The following PHACTR2 variants were observed in gnomAD, a reference collection of about 807,000 sequenced individuals.
PHACTR2 encodes phosphatase and actin regulator 2, also known as chromosome 6 open reading frame 56.
PHACTR2 carries 30 observed loss-of-function variants against 76.0 expected under a neutral mutation model. The ratio of observed to expected loss-of-function variants is 0.39; its 90% CI spans 0.30 to 0.54. The LOEUF (loss-of-function observed/expected upper bound fraction) is 0.54, where lower values mean the gene tolerates loss of function less well. Among genes scored for constraint, PHACTR2 ranks in the 20% least tolerant of loss-of-function variants. The pLI is 0.61. For missense variants in PHACTR2, 696 were observed against 781.1 expected (o/e 0.89, Z 1.30); for synonymous variants, 292 against 292.5 (o/e 1.00, Z 0.02).
At chr6:143,726,595 A>G (rs1215772258) in intron 2 of PHACTR2, among the ~76,000 whole-genome samples, 1 of 152,222 alleles carries the variant, frequency 6.6e-6, no homozygotes, top group East Asian at 1.9e-4. Context: ...ATGTGACAAG[A>G]TTTCCTTTTT....
In PHACTR2 at chr6:143,591,053, A is replaced by C. The variant is rs1775685027; in HGVS notation, c.217+53846A>C. ...GTATAAAAATACAGCATTTCTTATG[A>C]TAATTTTATGTAAGTATTTGAGACA... On this transcript the variant is annotated intron_variant, in intron 1 of 11. Transcript: ENST00000367584. This position sits in a 1 kb window ranked among gnomAD's most constrained non-coding sequence, Gnocchi z 6.4. 6.6e-6 allele frequency among the ~76,000 whole-genome samples: 1 copy of C among 152,254 alleles called. No individual in the cohort carries two copies. Among genetic ancestry groups the C allele is most frequent in the Non-Finnish European group, 1.5e-5 (1 of 68,040 alleles).
chr6:143,617,094 G>A lies in PHACTR2; in HGVS notation c.13+8772G>A, dbSNP rs1289135729. On this transcript the variant is annotated intron_variant, in intron 1 of 11. Coordinates refer to the PHACTR2 transcript ENST00000305766. This position sits in a 1 kb window ranked among gnomAD's most constrained non-coding sequence, Gnocchi z 4.8. ...GGACTGGAAAGAAGTAAGAGTGGAA[G>A]CTCCTAAGAATGAAATCCACTTAGA... is the stretch of plus-strand genomic sequence containing the variant. Among the ~76,000 whole-genome samples, 1 of 152,206 alleles carries A rather than the reference G, an allele frequency of 6.6e-6. No homozygotes were observed. Among genetic ancestry groups the A allele is most frequent in the African/African-American group, 2.4e-5 (1 of 41,456 alleles).
In PHACTR2 at chr6:143,750,984, C is replaced by T. The variant is rs1779171457; in HGVS notation, c.295+1919C>T. On this transcript the variant is annotated intron_variant, in intron 3 of 12. Transcript: ENST00000440869. The surrounding 1 kb of genome is among the most constrained non-coding windows in gnomAD (Gnocchi z 4.6). ...TGTCAGTAGTAAATGGAGTCCTTCC[C>T]CTTTTCAGCTGAGGGCTGGAGAAAA... Among the ~76,000 whole-genome samples, 2 of 152,142 alleles carry T rather than the reference C, an allele frequency of 1.3e-5. No homozygotes were observed. The highest frequency in any genetic ancestry group is 1.3e-4 in the Admixed American group (2 of 15,274).
Position 143,805,342 on chromosome 6 carries a change from G to T in PHACTR2, c.1846-1715G>T, listed in dbSNP as rs545978957. 1.8e-4 allele frequency among the ~76,000 whole-genome samples: 28 copies of T among 152,156 alleles called. No homozygotes were observed. The South Asian group carries it at 1.9e-3, about 10-fold the overall frequency. On this transcript the variant is annotated intron_variant, in intron 11 of 12. Transcript: ENST00000440869. ...AAAATACAAAAAATTAGCCAGGCAC[G>T]GTGGTGCATGCATGTAATCCCAGCT...
At chr6:143,746,728 T>TG (rs1468393853) in intron 2 of PHACTR2, among the ~76,000 whole-genome samples, 4 of 152,174 alleles carry the variant, frequency 2.6e-5, no homozygotes, top group Non-Finnish European at 5.9e-5. Context: ...GGGTGTTCTT[T>TG]GGCTTCCTGC....
rs1776699589 is a variant in PHACTR2, at chr6:143,648,625, G to A, written c.13+40303G>A. Among the ~76,000 whole-genome samples the A allele has an allele frequency of 6.6e-6, 1 of 152,134 alleles. No homozygotes were observed. Among genetic ancestry groups the A allele is most frequent in the African/African-American group, 2.4e-5 (1 of 41,436 alleles). Reference sequence around the variant, plus strand: ...GTAGGAAGGAATGAAGAGCCCGGGAGGTTTAAAGTGCTCTGAAGCACTGAT... The same window carrying A: ...GTAGGAAGGAATGAAGAGCCCGGGAAGTTTAAAGTGCTCTGAAGCACTGAT... On this transcript the variant is annotated intron_variant, in intron 1 of 11. Transcript: ENST00000305766. The surrounding 1 kb of genome is among the most constrained non-coding windows in gnomAD (Gnocchi z 6.7).
intron 2 of PHACTR2, among the ~76,000 whole-genome samples, chr6:143,725,829 A>G (rs922377588): frequency 2.0e-5 from 3 of 152,110 alleles, no homozygotes; most frequent in East Asian, 1.9e-4. Context: ...TCAAAAAAAA[A>G]AAAAAAAGAA....
rs1775573765 is a variant in PHACTR2 at position 143,787,103 on chromosome 6, C to T, written c.1708-1670C>T. Among the ~76,000 whole-genome samples the T allele has an allele frequency of 6.6e-6, 1 of 152,216 alleles. No homozygotes were observed. Among genetic ancestry groups the T allele is most frequent in the Non-Finnish European group, 1.5e-5 (1 of 68,038 alleles). ...CATCTTTCTCAATCCAGCTGGGCCC[C>T]TCCATGAGGCAGCAGTGCCAGCCCT... is the stretch of plus-strand genomic sequence containing the variant. On this transcript the variant is annotated intron_variant, in intron 10 of 12. Transcript: ENST00000440869. The surrounding 1 kb of genome is among the most constrained non-coding windows in gnomAD (Gnocchi z 4.6).
chr6:143,690,150 T>C (rs1049101404), intron 1 of PHACTR2, among the ~76,000 whole-genome samples: 15 of 152,264 alleles, frequency 9.9e-5, no homozygotes, highest in African/African-American at 3.6e-4. Context: ...GCTTGCTAAG[T>C]GTCCTACATA....
chr6:143,773,042 A>G (rs528027961), intron 7 of PHACTR2, among the ~76,000 whole-genome samples: 2 of 152,266 alleles, frequency 1.3e-5, no homozygotes, highest in East Asian at 3.9e-4. Context: ...GCGAAGCCCT[A>G]TCTTTACTAA....
intron 11 of PHACTR2, among the ~76,000 whole-genome samples, chr6:143,790,163 G>T (rs1403391639): frequency 1.3e-5 from 2 of 152,206 alleles, no homozygotes; most frequent in African/African-American, 4.8e-5. Context: ...GGGCTCTGAA[G>T]TATGATGAGG....
At chr6:143,812,766 T>C (rs1303554039) in intron 12 of PHACTR2, among the ~76,000 whole-genome samples, 2 of 152,236 alleles carry the variant, frequency 1.3e-5, no homozygotes, top group Non-Finnish European at 2.9e-5. Flanking sequence ...CAGCCCACTG[T>C]TCAAAACCAA....
intron 1 of PHACTR2, among the ~76,000 whole-genome samples, chr6:143,563,235 G>A (rs539044760): frequency 6.6e-6 from 1 of 152,236 alleles, no homozygotes; most frequent in South Asian, 2.1e-4. Flanking sequence ...TCAAAAGTAT[G>A]TAAACCAGTT....
intron 2 of PHACTR2, among the ~76,000 whole-genome samples, chr6:143,741,449 C>G (rs1423758833): frequency 6.6e-6 from 1 of 152,140 alleles, no homozygotes; most frequent in African/African-American, 2.4e-5. Context: ...GCCAAGATGG[C>G]CCCACTGTAC....
intron 6 of PHACTR2, among the ~76,000 whole-genome samples, chr6:143,771,262 G>T (rs1317940699): frequency 6.1e-5 from 8 of 130,946 alleles, no homozygotes; most frequent in East Asian, 2.1e-4. Flanking sequence ...TTGAGACAGG[G>T]TCTCACTCTG....
chr6:143,768,090 C>A (rs1035535987), intron 6 of PHACTR2, among the ~76,000 whole-genome samples: 1 of 152,190 alleles, frequency 6.6e-6, no homozygotes, highest in Non-Finnish European at 1.5e-5. Flanking sequence ...CCTGCCTCAG[C>A]CTTCCAAAGT....
At chr6:143,817,368 T>A (rs905041667) in intron 12 of PHACTR2, among the ~76,000 whole-genome samples, 1 of 152,186 alleles carries the variant, frequency 6.6e-6, no homozygotes, top group Non-Finnish European at 1.5e-5. Context: ...AGGCCTTTGG[T>A]AGCTCATGGT....
At chr6:143,734,581 C>G (rs1166749085) in intron 2 of PHACTR2, among the ~76,000 whole-genome samples, 1 of 152,194 alleles carries the variant, frequency 6.6e-6, no homozygotes, top group Non-Finnish European at 1.5e-5. Flanking sequence ...TTTCTGATTA[C>G]AAATGACACA....
intron 1 of PHACTR2, among the ~76,000 whole-genome samples, chr6:143,603,046 G>A (rs1775828968): frequency 6.6e-6 from 1 of 150,654 alleles, no homozygotes; most frequent in Non-Finnish European, 1.5e-5. Context: ...TCAGGAGGCT[G>A]AGACAGGAGA....
Sources: allele counts gnomAD v4.1 joint callset (sites outside exome capture counted in the v4.1 genomes callset), GRCh38; gene constraint gnomAD v4.1.1; non-coding constraint Gnocchi (gnomAD v3.1); transcripts MANE v1.5; gene names NCBI Gene and HGNC (gene_info 2026-07-23, HGNC 2026-07-21).